GABBR2: variants seen among roughly 807,000 people sequenced by gnomAD.
GABBR2 encodes the protein G-protein coupled receptor 51.
In GABBR2, 23 loss-of-function variants were observed where a neutral mutation model predicts 105.6. That is an observed-to-expected ratio of 0.22 (90% CI 0.16 to 0.31). The LOEUF is 0.31. Among genes scored for constraint, GABBR2 ranks in the 10% least tolerant of loss-of-function variants. The probability of loss-of-function intolerance (pLI) is 1.00; values close to 1 mark genes in which losing one functional copy is unlikely to be tolerated. For missense variants in GABBR2, 734 were observed against 1,245.5 expected, an observed-to-expected ratio of 0.59 and a Z score of 6.18; for synonymous variants, 478 against 499.7, an observed-to-expected ratio of 0.96 and a Z score of 0.58.
At chr9:98,371,294 G>GC (rs1305821838) in intron 12 of GABBR2, among the ~76,000 whole-genome samples, 170 bp downstream of exon 12, 1 of 152,198 alleles carries the variant, frequency 6.6e-6, no homozygotes, top group Non-Finnish European at 1.5e-5. Context: ...TATTACAAAT[G>GC]CTTTGTTAAC....
intron 4 of GABBR2, among the ~76,000 whole-genome samples, chr9:98,486,376 G>A (rs537221512): frequency 1.4e-4 from 21 of 152,342 alleles, no homozygotes; most frequent in African/African-American, 4.8e-4. Flanking sequence ...AATGGCAAAT[G>A]CAATCCTGAG....
chr9:98,402,423 C>T (rs1252991569), intron 8 of GABBR2, among the ~76,000 whole-genome samples: 2 of 152,146 alleles, frequency 1.3e-5, no homozygotes, highest in African/African-American at 4.8e-5. Flanking sequence ...AGCATGGAAT[C>T]TGGAGATGAA....
chr9:98,444,032 G>A (rs1826078107), intron 7 of GABBR2, among the ~76,000 whole-genome samples: 1 of 152,204 alleles, frequency 6.6e-6, no homozygotes, highest in Non-Finnish European at 1.5e-5. Flanking sequence ...GTCAGACTTG[G>A]TAGCCTTGCA....
chr9:98,443,781 GAC>G (rs982421545), intron 7 of GABBR2, among the ~76,000 whole-genome samples: 2 of 152,182 alleles, frequency 1.3e-5, no homozygotes, highest in Admixed American at 6.5e-5. Flanking sequence ...GAGGCAGATA[GAC>G]ACACAAATAA....
chr9:98,293,192 A>C (rs1201706841), intron 18 of GABBR2, among the ~76,000 whole-genome samples: 1 of 152,186 alleles, frequency 6.6e-6, no homozygotes, highest in African/African-American at 2.4e-5. Context: ...AACAAAGCTA[A>C]CAGAGATGTT....
At chr9:98,400,695 C>T (rs1039573818) in intron 8 of GABBR2, among the ~76,000 whole-genome samples, 1 of 152,108 alleles carries the variant, frequency 6.6e-6, no homozygotes, top group Non-Finnish European at 1.5e-5. Flanking sequence ...CAGGGAGGAG[C>T]CATGCCTAGA....
At chr9:98,447,537 ATG>A (rs58069151) in intron 7 of GABBR2, among the ~76,000 whole-genome samples, 4,303 of 142,438 alleles carry the variant, frequency 0.03, 126 homozygotes, top group African/African-American at 0.075. Context: ...ACTAGTATGT[ATG>A]TGTGTGTGTG....
chr9:98,510,789 C>A, intron 3 of GABBR2, among the ~76,000 whole-genome samples: 1 of 152,076 alleles, frequency 6.6e-6, no homozygotes, highest in Non-Finnish European at 1.5e-5. Flanking sequence ...GAGTGACCTA[C>A]AAAGAGAGTT....
At chr9:98,344,376 A>G (rs1004585326) in intron 13 of GABBR2, among the ~76,000 whole-genome samples, 2 of 152,172 alleles carry the variant, frequency 1.3e-5, no homozygotes, top group African/African-American at 4.8e-5. Flanking sequence ...CCTTTTTAAC[A>G]TATTTGGCAG....
intron 1 of GABBR2, among the ~76,000 whole-genome samples, chr9:98,654,015 A>G (rs1473976612): frequency 2.0e-5 from 3 of 152,256 alleles, no homozygotes; most frequent in Non-Finnish European, 4.4e-5. Flanking sequence ...AAAGCTCACA[A>G]GGACTATCCT....
chr9:98,300,376 C>T (rs2131345930), intron 16 of GABBR2, among the ~76,000 whole-genome samples: 1 of 152,208 alleles, frequency 6.6e-6, no homozygotes, highest in Admixed American at 6.5e-5. Context: ...AACTCCTGGG[C>T]TCGAGCGATC....
intron 13 of GABBR2, among the ~76,000 whole-genome samples, chr9:98,314,739 C>T (rs2131366893): frequency 6.6e-6 from 1 of 152,290 alleles, no homozygotes; most frequent in East Asian, 1.9e-4. Context: ...GTCTGCACAC[C>T]TTCCACAGGA....
At chr9:98,526,648 C>T (rs1026708375) in intron 3 of GABBR2, among the ~76,000 whole-genome samples, 10 of 152,164 alleles carry the variant, frequency 6.6e-5, no homozygotes, top group Admixed American at 3.3e-4. Flanking sequence ...AGGGCAGGGA[C>T]TTTGTTTCAC....
At position 98,346,538 on chromosome 9, in the gene GABBR2, C is replaced by T. The variant is rs1831306786; in HGVS notation, c.1893+16177G>A. ...TAATGAAATCAGCATAATTAGCATT[C>T]CTATCACCTTGAACATTTATCATTT... is the stretch of plus-strand genomic sequence containing the variant. On this transcript the variant is annotated intron_variant, in intron 13 of 18. Transcript: ENST00000259455. Among the ~76,000 whole-genome samples, 3 of 152,140 alleles carry T rather than the reference C, an allele frequency of 2.0e-5. No homozygotes were observed. In the South Asian group the frequency reaches 6.2e-4, roughly 32 times the overall value.
Position 98,288,616 on chromosome 9 carries a change from T to C in GABBR2, c.*1968A>G, listed in dbSNP as rs1036863466. 4 of 152,660 alleles carry C rather than the reference T, an allele frequency of 2.6e-5. No homozygotes were observed. Among genetic ancestry groups the C allele is most frequent in the African/African-American group, 9.6e-5 (4 of 41,454 alleles). 9.5% of individuals were successfully genotyped at this position (152,660 alleles called of 1,614,324 possible). A position where few individuals can be genotyped will look rare whatever the true frequency, so the allele number is the denominator to read the frequency against. On this transcript the variant is annotated 3_prime_UTR_variant, in exon 19 of 19. Coordinates refer to ENST00000259455, the MANE Select transcript of GABBR2 (RefSeq NM_005458.8). ...TGAAAAATTAATGTGGTCCTTTAAA[T>C]TAAATTTGGTTTTGGTGAAATCAAG...
intron 1 of GABBR2, among the ~76,000 whole-genome samples, chr9:98,647,037 G>A (rs1830035181): frequency 6.6e-6 from 1 of 152,204 alleles, no homozygotes; most frequent in Non-Finnish European, 1.5e-5. Flanking sequence ...AGAAGAGGCA[G>A]GGAGGATATC....
At position 98,429,121 on chromosome 9, in the gene GABBR2, GGTGTGTGTGTGTGT is replaced by G. The variant is rs56248488; in HGVS notation, c.1237-22994_1237-22981del. ...AAATTAAAAACTCACCCAGGTTTTT[GGTGTGTGTGTGTGT>G]GTGTGTGTGTGTGTGTGTGTTTGAG... On this transcript the variant is annotated intron_variant, in intron 7 of 18. Coordinates refer to ENST00000259455, the MANE Select transcript of GABBR2 (RefSeq NM_005458.8). 4.7e-3 allele frequency among the ~76,000 whole-genome samples: 685 copies of G among 145,576 alleles called. 5 individuals carry two copies. The highest frequency in any genetic ancestry group is 6.4e-3 in the Non-Finnish European group (420 of 65,902).
intron 7 of GABBR2, among the ~76,000 whole-genome samples, chr9:98,429,440 C>T (rs752499514): frequency 2.0e-5 from 3 of 151,988 alleles, no homozygotes; most frequent in African/African-American, 4.8e-5. Flanking sequence ...CACGCCTGGC[C>T]GGATTTTGGT....
At chr9:98,622,634 A>C (rs1829684986) in intron 1 of GABBR2, among the ~76,000 whole-genome samples, 1 of 151,998 alleles carries the variant, frequency 6.6e-6, no homozygotes, top group Non-Finnish European at 1.5e-5. Context: ...TCAGCTCAAA[A>C]CCTTCCTGTG....
Sources: allele counts gnomAD v4.1 joint callset (sites outside exome capture counted in the v4.1 genomes callset), GRCh38; gene constraint gnomAD v4.1.1; transcripts MANE v1.5; gene names NCBI Gene and HGNC (gene_info 2026-07-23, HGNC 2026-07-21).